CCDC71: variants seen among roughly 807,000 people sequenced by gnomAD.
The protein encoded by CCDC71 is coiled-coil domain-containing protein 71.
For synonymous variants in CCDC71, 257 were observed against 242.2 expected, an observed-to-expected ratio of 1.06 and a Z score of -0.57; for missense variants, 594 against 604.0, an observed-to-expected ratio of 0.98 and a Z score of 0.17.
rs923505251 is a variant in CCDC71, at chr3:49,163,177, A to G, written c.1032T>C (p.Ala344=). 7.6e-6 allele frequency: 12 copies of G among 1,577,440 alleles called. No individual in the cohort carries two copies. The African/African-American group carries it at 1.5e-4, about 20-fold the overall frequency. ...CCTTGGCCCGTACTGCCTTGGCTTT[A>G]GCCTTGGCCTTGGCCCATGCTGCCA... ...KVMAAWAKAK[A]KAKAVRAKAK... is the part of the protein sequence containing the mutation. Residue 344 remains alanine, a synonymous_variant, in exon 2 of 2, where the codon GCT becomes GCC. Coordinates refer to ENST00000321895, the MANE Select transcript of CCDC71 (RefSeq NM_022903.4).
rs1332058898 is a variant in CCDC71, at chr3:49,163,662, C to G, written c.547G>C (p.Val183Leu). 1 of 1,614,080 alleles carries G rather than the reference C, an allele frequency of 6.2e-7. No individual in the cohort carries two copies. The highest frequency in any genetic ancestry group is 8.5e-7 in the Non-Finnish European group (1 of 1,180,026). The change falls in exon 2 of 2, where the codon GTT becomes CTT. Residue 183 changes from valine (V) to leucine (L), a missense_variant. Coordinates refer to ENST00000321895, the MANE Select transcript of CCDC71 (RefSeq NM_022903.4). ...CAGGGCATGGGAGTCTTAAGTGGAA[C>G]CAGGGCCTCAAGGACAACAGAGAGC... ...MRLSVVLEAL[V>L]PLKTPMPCLG...
chr3:49,164,840 T>C (rs890010273), intron 1 of CCDC71, among the ~76,000 whole-genome samples: 18 of 152,192 alleles, frequency 1.2e-4, no homozygotes, highest in African/African-American at 4.1e-4. Flanking sequence ...TAAGGCATAC[T>C]TGGTGTGGGA....
At chr3:49,165,415 C>T (rs1309281229) in intron 1 of CCDC71, among the ~76,000 whole-genome samples, 2 of 152,256 alleles carry the variant, frequency 1.3e-5, no homozygotes, top group African/African-American at 4.8e-5. Flanking sequence ...CAACCCAACA[C>T]TGAGGGTTCC....
chr3:49,165,799 G>A (rs1178051360), intron 1 of CCDC71, among the ~76,000 whole-genome samples: 3 of 152,258 alleles, frequency 2.0e-5, no homozygotes, highest in Non-Finnish European at 2.9e-5. Context: ...GGGTGACCTG[G>A]GGGCTCTTCC....
In CCDC71 at chr3:49,162,727, C is replaced by A; in HGVS notation, c.*78G>T. On this transcript the variant is annotated 3_prime_UTR_variant, in exon 2 of 2. Coordinates refer to ENST00000321895, the MANE Select transcript of CCDC71 (RefSeq NM_022903.4). The stretch of plus-strand genomic sequence containing the variant: ...CCGGGAGTCCTCAAGATTGTGGAGT[C>A]CACGGACATAGCACACTGTGCCACT... 7.5e-7 allele frequency: 1 copy of A among 1,332,436 alleles called. No individual in the cohort carries two copies. The highest frequency in any genetic ancestry group is 1.0e-6 in the Non-Finnish European group (1 of 1,001,626). The allele number at this position is 1,332,436 out of a possible 1,614,324, so 82.5% of individuals were successfully genotyped here. A position where few individuals can be genotyped will look rare whatever the true frequency, so the allele number is the denominator to read the frequency against.
In CCDC71 at chr3:49,166,016, G is replaced by A. The variant is rs1466408438; in HGVS notation, c.-53+251C>T. ...CGGGGCCCTCAGGCTGGGAATGCAC[G>A]TCCTTAGGGCCCAAGCCGTGAGGCG... On this transcript the variant is annotated intron_variant, in intron 1 of 1. Transcript: ENST00000321895. This position sits in a 1 kb window ranked among gnomAD's most constrained non-coding sequence, Gnocchi z 4.0. 1.3e-5 allele frequency among the ~76,000 whole-genome samples: 2 copies of A among 152,208 alleles called. No homozygotes were observed. The highest frequency in any genetic ancestry group is 2.1e-4 in the South Asian group (1 of 4,838).
chr3:49,163,609 T>G lies in CCDC71; in HGVS notation c.600A>C (p.Ser200=), dbSNP rs1339063202. 6.2e-7 allele frequency: 1 copy of G among 1,614,182 alleles called. No individual in the cohort carries two copies. The highest frequency in any genetic ancestry group is 1.7e-5 in the Admixed American group (1 of 60,030). ...GAGAGTCTGCAAGTGAGAGCTGCAGTGACTGTGCCTTGTGCTTGGCACCCA... is the reference window on the plus strand; with the variant it reads ...GAGAGTCTGCAAGTGAGAGCTGCAGGGACTGTGCCTTGTGCTTGGCACCCA... ...PCLGAKHKAQ[S]LQLSLADSPL... is the part of the protein sequence containing the mutation. Residue 200 remains serine, a synonymous_variant, in exon 2 of 2, where the codon TCA becomes TCC. Transcript: ENST00000321895.
At chr3:49,164,314 G>C in intron 1 of CCDC71, 54 bp from the exon 2 acceptor site, 1 of 1,064,172 alleles carries the variant, frequency 9.4e-7, no homozygotes, top group Non-Finnish European at 1.4e-6. Flanking sequence ...CAAGGGGCCA[G>C]AACACATAGA....
In CCDC71 at chr3:49,166,188, G is replaced by A. The variant is rs1443937858; in HGVS notation, c.-53+79C>T. ...GGCGGAGGACGCGGGTCCGGGAAGA[G>A]TTGGCCGCTTGCCCGTCCGCCCTGC... On this transcript the variant is annotated intron_variant, in intron 1 of 1. Transcript: ENST00000321895. The surrounding 1 kb of genome is among the most constrained non-coding windows in gnomAD (Gnocchi z 4.0). The A allele has an allele frequency of 6.6e-6, 1 of 151,988 alleles. No homozygotes were observed. Among genetic ancestry groups the A allele is most frequent in the Non-Finnish European group, 1.5e-5 (1 of 67,938 alleles). 9.4% of individuals were successfully genotyped at this position (151,988 alleles called of 1,614,324 possible). A position where few individuals can be genotyped will look rare whatever the true frequency, so the allele number is the denominator to read the frequency against.
chr3:49,165,168 G>A (rs898826032), intron 1 of CCDC71, among the ~76,000 whole-genome samples: 3 of 152,222 alleles, frequency 2.0e-5, no homozygotes, highest in Admixed American at 1.3e-4. Context: ...TAGGCAACCA[G>A]GCAGACCAGG....
intron 1 of CCDC71, among the ~76,000 whole-genome samples, 169 bp from the exon 2 acceptor site, chr3:49,164,429 T>A (rs2045711171): frequency 6.6e-6 from 1 of 151,910 alleles, no homozygotes; most frequent in Non-Finnish European, 1.5e-5. Flanking sequence ...CATGCTGGGG[T>A]GGGAGGAGAG....
rs763939377 is a variant in CCDC71, at chr3:49,164,006, C to G, written c.203G>C (p.Gly68Ala). 2.4e-5 allele frequency: 38 copies of G among 1,614,016 alleles called. No individual in the cohort carries two copies. The highest frequency in any genetic ancestry group is 3.2e-5 in the Non-Finnish European group (38 of 1,180,024). The change falls in exon 2 of 2, where the codon GGT (glycine) becomes GCT (alanine). Residue 68 changes from glycine (G) to alanine (A), a missense_variant. Transcript: ENST00000321895. ...DGFQPTILRS[G>A]DVYGYSSCTA... ...GCATGAACTATAGCCATAGACATCA[C>G]CACTGCGCAGGATGGTAGGTTGGAA...
chr3:49,165,925 G>C (rs977814565), intron 1 of CCDC71, among the ~76,000 whole-genome samples: 6 of 152,230 alleles, frequency 3.9e-5, no homozygotes, highest in African/African-American at 1.4e-4. Flanking sequence ...GGGAAGGCAG[G>C]AGAAGTTGAC....
At position 49,166,117 on chromosome 3, in the gene CCDC71, T is replaced by C. The variant is rs2045722935; in HGVS notation, c.-53+150A>G. 1 of 116,170 alleles carries C rather than the reference T, an allele frequency of 8.6e-6. No individual in the cohort carries two copies. The highest frequency in any genetic ancestry group is 8.8e-5 in the Admixed American group (1 of 11,354). 7.2% of individuals were successfully genotyped at this position (116,170 alleles called of 1,614,324 possible). On this transcript the variant is annotated intron_variant, in intron 1 of 1. Transcript: ENST00000321895. This position sits in a 1 kb window ranked among gnomAD's most constrained non-coding sequence, Gnocchi z 4.0. ...GGGACCGCACAGCCCCAGGGTGGGG[T>C]CGCTGGGCGCGGGGTGGGGGTGGGG...
Position 49,163,620 on chromosome 3 carries a change from T to G in CCDC71, c.589A>C (p.Lys197Gln). The change falls in exon 2 of 2, where the codon AAG (lysine) becomes CAG (glutamine). Residue 197 changes from lysine (K) to glutamine (Q), a missense_variant. Coordinates refer to ENST00000321895, the MANE Select transcript of CCDC71 (RefSeq NM_022903.4). ...AGTGAGAGCTGCAGTGACTGTGCCT[T>G]GTGCTTGGCACCCAAGCAGGGCATG... Reference protein sequence around the residue: ...TPMPCLGAKHKAQSLQLSLAD... With the variant: ...TPMPCLGAKHQAQSLQLSLAD... The G allele has an allele frequency of 6.2e-7, 1 of 1,614,186 alleles. No homozygotes were observed. The highest frequency in any genetic ancestry group is 8.5e-7 in the Non-Finnish European group (1 of 1,180,036).
In CCDC71 at chr3:49,163,273, C is replaced by G. The variant is rs1374005357; in HGVS notation, c.936G>C (p.Lys312Asn). Residue 312 changes from lysine to asparagine, a missense_variant, in exon 2 of 2, where the codon AAG becomes AAC. Lys to Asn is a moderately conservative substitution (Grantham distance 94). Coordinates refer to ENST00000321895, the MANE Select transcript of CCDC71 (RefSeq NM_022903.4). ...TAGCCTTGACCTGTGCTGCCTTGGC[C>G]TTGGCCCGGGCCTTAGCAGCCTTGG... ...TQAKAAKARAKAKAAQVKAKA... is the reference protein window; with the variant it reads ...TQAKAAKARANAKAAQVKAKA... The G allele has an allele frequency of 6.3e-7, 1 of 1,590,118 alleles. No individual in the cohort carries two copies. The highest frequency in any genetic ancestry group is 1.7e-5 in the Admixed American group (1 of 58,744).
In CCDC71 at chr3:49,162,990, G is replaced by T; in HGVS notation, c.1219C>A (p.Leu407Ile). 3 of 1,614,272 alleles carry T rather than the reference G, an allele frequency of 1.9e-6. No individual in the cohort carries two copies. The highest frequency in any genetic ancestry group is 2.5e-6 in the Non-Finnish European group (3 of 1,180,042). Residue 407 changes from leucine to isoleucine, a missense_variant, in exon 2 of 2, where the codon CTT becomes ATT. Transcript: ENST00000321895. ...CATGCCTTAGGAGATCGGGGCCCAA[G>T]CCGTGTTCTCTTCTTGGGAGGAAGA... ...KDLPPKKRTR[L>I]GPRSPKAWLG...
Position 49,163,379 on chromosome 3 carries a change from C to T in CCDC71, c.830G>A (p.Gly277Asp), listed in dbSNP as rs766824506. ...TACCTTGGCCTGGGCTGTTTTGGTG[C>T]CCAGGGCAGAGCCCCCTTTCATTCG... ...VRRMKGGSAL[G>D]TKTAQAKVAR... The change falls in exon 2 of 2, where the codon GGC (glycine) becomes GAC (aspartate). Residue 277 changes from glycine to aspartate, a missense_variant. Coordinates refer to ENST00000321895, the MANE Select transcript of CCDC71 (RefSeq NM_022903.4). 1.9e-6 allele frequency: 3 copies of T among 1,613,870 alleles called. No homozygotes were observed. Among genetic ancestry groups the T allele is most frequent in the Non-Finnish European group, 2.5e-6 (3 of 1,180,044 alleles).
rs115337389 is a variant in CCDC71 at position 49,163,307 on chromosome 3, C to G, written c.902G>C (p.Arg301Pro). Reference protein sequence around the residue: ...KAARAQAKVARTQAKAAKARA... With the variant: ...KAARAQAKVAPTQAKAAKARA... ...GGCCTTAGCAGCCTTGGCCTGTGTT[C>G]GAGCCACCTTGGCTTGGGCACGAGC... The change falls in exon 2 of 2, where the codon CGA becomes CCA. Residue 301 changes from arginine (R) to proline (P), a missense_variant. Coordinates refer to ENST00000321895, the MANE Select transcript of CCDC71 (RefSeq NM_022903.4). 1 of 1,613,946 alleles carries G rather than the reference C, an allele frequency of 6.2e-7. No individual in the cohort carries two copies. The highest frequency in any genetic ancestry group is 1.3e-5 in the African/African-American group (1 of 75,076).
Sources: gnomAD v4.1 joint callset for allele counts (sites outside exome capture counted in the v4.1 genomes callset) on GRCh38, gnomAD v4.1.1 for gene constraint, Gnocchi (gnomAD v3.1) non-coding constraint, MANE v1.5 for transcripts, NCBI Gene and HGNC (gene_info 2026-07-23, HGNC 2026-07-21) for gene names.